CELSR3: variants seen among roughly 807,000 people sequenced by gnomAD.
CELSR3 encodes EGF-like protein 1.
CELSR3 carries 73 observed loss-of-function variants against 270.0 expected under a neutral mutation model. The observed-to-expected ratio is 0.27, with a 90% confidence interval of 0.22 to 0.33. The LOEUF (loss-of-function observed/expected upper bound fraction) is 0.33. Among genes scored for constraint, CELSR3 ranks in the 10% least tolerant of loss-of-function variants. The pLI is 1.00. For synonymous variants in CELSR3, 1,780 were observed against 1,905.4 expected, an observed-to-expected ratio of 0.93 and a Z score of 1.71; for missense variants, 3,614 against 4,533.8, an observed-to-expected ratio of 0.80 and a Z score of 5.83.
At position 48,656,300 on chromosome 3, in the gene CELSR3, T is replaced by G. The variant is rs1351876601; in HGVS notation, c.4465A>C (p.Thr1489Pro). ...CCGCCGTTGGGCGCGTCGGTGCAGG[T>G]GCCCCCGTTGCGGCAGACGCCCGGC... ...CVPGVCRNGGTCTDAPNGGFR... is the reference protein window; with the variant it reads ...CVPGVCRNGGPCTDAPNGGFR... Residue 1489 changes from threonine (T) to proline (P), a missense_variant, in exon 3 of 35, where the codon ACC becomes CCC. Coordinates refer to ENST00000164024, the MANE Select transcript of CELSR3 (RefSeq NM_001407.3). 6.6e-7 allele frequency: 1 copy of G among 1,506,124 alleles called. No individual in the cohort carries two copies. Among genetic ancestry groups the G allele is most frequent in the Non-Finnish European group, 8.8e-7 (1 of 1,136,510 alleles). The allele number at this position is 1,506,124 out of a possible 1,614,324, so 93.3% of individuals were successfully genotyped here. A position where few individuals can be genotyped will look rare whatever the true frequency, so the allele number is the denominator to read the frequency against.
At position 48,642,905 on chromosome 3, in the gene CELSR3, G is replaced by C; in HGVS notation, c.8407-21C>G. 6.2e-7 allele frequency: 1 copy of C among 1,612,346 alleles called. No individual in the cohort carries two copies. ...GGTCCCTGGGGGTGGTAGGGACAGA[G>C]TGTGAGCTAACCCTGAAGCAGCCTA... On this transcript the variant is annotated intron_variant, in intron 29 of 34. Coordinates refer to ENST00000164024, the MANE Select transcript of CELSR3 (RefSeq NM_001407.3). The surrounding 1 kb of genome is among the most constrained non-coding windows in gnomAD (Gnocchi z 6.1).
rs181370113 is a variant in CELSR3 at position 48,644,071 on chromosome 3, C to T, written c.8165+145G>A. On this transcript the variant is annotated intron_variant, in intron 27 of 34. Coordinates refer to ENST00000164024, the MANE Select transcript of CELSR3 (RefSeq NM_001407.3). This position sits in a 1 kb window ranked among gnomAD's most constrained non-coding sequence, Gnocchi z 4.8. ...GTATAGCGAGGGCGCCAGAGAGGGA[C>T]CACAGGTCAGGGCAGGTGTGACTTC... The T allele has an allele frequency of 1.5e-6, 1 of 662,110 alleles. No individual in the cohort carries two copies. The highest frequency in any genetic ancestry group is 1.9e-5 in the South Asian group (1 of 51,860). 41.0% of individuals were successfully genotyped at this position (662,110 alleles called of 1,614,324 possible). A position where few individuals can be genotyped will look rare whatever the true frequency, so the allele number is the denominator to read the frequency against.
In CELSR3 at chr3:48,653,275, T is replaced by G; in HGVS notation, c.5449-88A>C. 8.0e-7 allele frequency: 1 copy of G among 1,253,170 alleles called. No individual in the cohort carries two copies. The highest frequency in any genetic ancestry group is 1.5e-5 in the African/African-American group (1 of 67,132). 77.6% of individuals were successfully genotyped at this position (1,253,170 alleles called of 1,614,324 possible). A position where few individuals can be genotyped will look rare whatever the true frequency, so the allele number is the denominator to read the frequency against. On this transcript the variant is annotated intron_variant, in intron 9 of 34. Coordinates refer to ENST00000164024, the MANE Select transcript of CELSR3 (RefSeq NM_001407.3). This position sits in a 1 kb window ranked among gnomAD's most constrained non-coding sequence, Gnocchi z 6.5. ...GATCAGAGGGCTCAGAGGTCAGGAATATCAGAGGTCAGAACAGTGGGGTCA... is the reference window on the plus strand; with the variant it reads ...GATCAGAGGGCTCAGAGGTCAGGAAGATCAGAGGTCAGAACAGTGGGGTCA...
At chr3:48,647,018 C>T in intron 20 of CELSR3, 90 bp from the exon 21 acceptor site, 1 of 1,275,350 alleles carries the variant, frequency 7.8e-7, no homozygotes, top group South Asian at 1.6e-5. Context: ...GCATGGGGGT[C>T]TCTTCCCTGC....
intron 20 of CELSR3, among the ~76,000 whole-genome samples, chr3:48,647,162 TGGGA>T (rs1258096160): frequency 2.8e-4 from 15 of 53,790 alleles, no homozygotes; most frequent in East Asian, 9.4e-4. Flanking sequence ...AGGGGAGATG[TGGGA>T]GGGAGGGTGG....
At position 48,656,948 on chromosome 3, in the gene CELSR3, G is replaced by A. The variant is rs2077027383; in HGVS notation, c.4149C>T (p.Pro1383=). The change falls in exon 2 of 35, where the codon CCC becomes CCT. Residue 1383 remains proline (P), a synonymous_variant. Coordinates refer to ENST00000164024, the MANE Select transcript of CELSR3 (RefSeq NM_001407.3). ...ACACGCATTTCATGTAGTTCTCACA[G>A]GGCTCTCGCAGGCACACGTTGTCGT... is the stretch of plus-strand genomic sequence containing the variant. The part of the protein sequence containing the change: ...PFDDNVCLRE[P]CENYMKCVSV... 2 of 1,612,436 alleles carry A rather than the reference G, an allele frequency of 1.2e-6. No homozygotes were observed. Among genetic ancestry groups the A allele is most frequent in the South Asian group, 2.2e-5 (2 of 90,908 alleles).
Position 48,653,313 on chromosome 3 carries a change from G to T in CELSR3, c.5449-126C>A. 2.4e-6 allele frequency: 2 copies of T among 829,856 alleles called. No individual in the cohort carries two copies. Among genetic ancestry groups the T allele is most frequent in the Non-Finnish European group, 3.8e-6 (2 of 529,720 alleles). The allele number at this position is 829,856 out of a possible 1,614,324, so 51.4% of individuals were successfully genotyped here. ...AACAGTGGGGTCAAGGTTATACCTG[G>T]CACAAAGGGCACTGTGCCAGGGGAC... On this transcript the variant is annotated intron_variant, in intron 9 of 34. Coordinates refer to ENST00000164024, the MANE Select transcript of CELSR3 (RefSeq NM_001407.3). This position sits in a 1 kb window ranked among gnomAD's most constrained non-coding sequence, Gnocchi z 6.5.
rs759564145 is a variant in CELSR3, at chr3:48,651,607, C to T, written c.6035G>A (p.Gly2012Asp). The T allele has an allele frequency of 5.1e-6, 8 of 1,582,108 alleles. No individual in the cohort carries two copies. The Admixed American group carries it at 1.4e-4, about 28-fold the overall frequency. ...CTCACAGTGGTGCCCGAAATAGCCA[C>T]CCACACAGTCACAGGTATAGCCATG... The part of the protein sequence containing the change: ...APHGYTCDCV[G>D]GYFGHHCEHR... Residue 2012 changes from glycine (G) to aspartate (D), a missense_variant, in exon 13 of 35, where the codon GGT becomes GAT. This residue lies in a region of CELSR3 where 1,331 missense variants were observed against 1,933.7 expected (regional missense o/e 0.69). Coordinates refer to ENST00000164024, the MANE Select transcript of CELSR3 (RefSeq NM_001407.3). The surrounding 1 kb of genome is among the most constrained non-coding windows in gnomAD (Gnocchi z 7.4).
In CELSR3 at chr3:48,656,578, C is replaced by T. The variant is rs2077023771; in HGVS notation, c.4399+120G>A. ...CCGGCCACGCTCTACGGCTTCTGGCCTAAGCGCGTCCATACCAGGCCGTGG... is the reference window on the plus strand; with the variant it reads ...CCGGCCACGCTCTACGGCTTCTGGCTTAAGCGCGTCCATACCAGGCCGTGG... On this transcript the variant is annotated intron_variant, in intron 2 of 34. Coordinates refer to ENST00000164024, the MANE Select transcript of CELSR3 (RefSeq NM_001407.3). The T allele has an allele frequency of 2.2e-6, 3 of 1,336,402 alleles. No homozygotes were observed. In the East Asian group the frequency reaches 8.1e-5, roughly 36 times the overall value. The allele number at this position is 1,336,402 out of a possible 1,614,324, so 82.8% of individuals were successfully genotyped here. A position where few individuals can be genotyped will look rare whatever the true frequency, so the allele number is the denominator to read the frequency against.
At position 48,662,599 on chromosome 3, in the gene CELSR3, C is replaced by T. The variant is rs566256360; in HGVS notation, c.36G>A (p.Gly12=). 2 of 1,468,970 alleles carry T rather than the reference C, an allele frequency of 1.4e-6. No individual in the cohort carries two copies. The highest frequency in any genetic ancestry group is 1.8e-6 in the Non-Finnish European group (2 of 1,104,434). The allele number at this position is 1,468,970 out of a possible 1,614,324, so 91.0% of individuals were successfully genotyped here. Residue 12 remains glycine (G), a synonymous_variant, in exon 1 of 35, where the codon GGG becomes GGA. Transcript: ENST00000164024. This position sits in a 1 kb window ranked among gnomAD's most constrained non-coding sequence, Gnocchi z 7.1. ...MARRPPWRGL[G]GRSTPILLLL... The stretch of plus-strand genomic sequence containing the variant: ...GCAGGAGTATGGGGGTCGACCGTCC[C>T]CCGAGGCCCCGCCACGGCGGCCGCC...
Position 48,640,290 on chromosome 3 carries a change from G to A in CELSR3, c.9295C>T (p.Pro3099Ser). The change falls in exon 34 of 35, where the codon CCA (proline) becomes TCA (serine). Residue 3099 changes from proline to serine, a missense_variant. This residue lies in a region of CELSR3 where 1,240 missense variants were observed against 1,351.7 expected (regional missense o/e 0.92). Transcript: ENST00000164024. This position sits in a 1 kb window ranked among gnomAD's most constrained non-coding sequence, Gnocchi z 7.5. ...GCATCCATGCATTCCTGGGACCCTGGCCGGCTCAGGGGACGTAGAACAGGG... is the reference window on the plus strand; with the variant it reads ...GCATCCATGCATTCCTGGGACCCTGACCGGCTCAGGGGACGTAGAACAGGG... ...PAPVLRPLSR[P>S]GSQECMDAAP... is the part of the protein sequence containing the mutation. 6.2e-7 allele frequency: 1 copy of A among 1,612,808 alleles called. No individual in the cohort carries two copies. The highest frequency in any genetic ancestry group is 8.5e-7 in the Non-Finnish European group (1 of 1,179,920).
intron 27 of CELSR3, 86 bp from the exon 28 acceptor site, chr3:48,643,763 C>T (rs888563730): frequency 3.4e-6 from 5 of 1,461,572 alleles, no homozygotes; most frequent in Non-Finnish European, 3.7e-6. Flanking sequence ...CACACAGGGG[C>T]CACACACGAA....
rs144752972 is a variant in CELSR3, at chr3:48,657,025, C to G, written c.4072G>C (p.Val1358Leu). The G allele has an allele frequency of 1.9e-6, 3 of 1,613,578 alleles. No homozygotes were observed. Among genetic ancestry groups the G allele is most frequent in the Non-Finnish European group, 2.5e-6 (3 of 1,179,826 alleles). ...CGAGCCGCCAGCGCCGCCCGGCGCA[C>G]GTACAACTGCTCCTGCAGCTCCTCG... ...SSEELQEQLYVRRAALAARSL... is the reference protein window; with the variant it reads ...SSEELQEQLYLRRAALAARSL... The change falls in exon 2 of 35, where the codon GTG becomes CTG. Residue 1358 changes from valine to leucine, a missense_variant. Physicochemically the swap from Val to Leu is conservative, Grantham distance 32. Coordinates refer to ENST00000164024, the MANE Select transcript of CELSR3 (RefSeq NM_001407.3). The surrounding 1 kb of genome is among the most constrained non-coding windows in gnomAD (Gnocchi z 5.4).
chr3:48,651,401 A>G lies in CELSR3; in HGVS notation c.6144T>C (p.Phe2048=). The change falls in exon 14 of 35, where the codon TTT becomes TTC. Residue 2048 remains phenylalanine, a synonymous_variant. Transcript: ENST00000164024. The surrounding 1 kb of genome is among the most constrained non-coding windows in gnomAD (Gnocchi z 7.4). The stretch of plus-strand genomic sequence containing the variant: ...CATTTGTCTTGTTGCAGTTGGGATC[A>G]AAACCTTTGTGAACATCACAGTTGC... The part of the protein sequence containing the change: ...GPCNCDVHKG[F]DPNCNKTNGQ... The G allele has an allele frequency of 6.2e-7, 1 of 1,614,082 alleles. No homozygotes were observed.
In CELSR3 at chr3:48,646,806, C is replaced by T; in HGVS notation, c.7252G>A (p.Gly2418Arg). 6.2e-7 allele frequency: 1 copy of T among 1,609,228 alleles called. No individual in the cohort carries two copies. Among genetic ancestry groups the T allele is most frequent in the Non-Finnish European group, 8.5e-7 (1 of 1,178,426 alleles). Reference protein sequence around the residue: ...IILLVYRTLGGLLPAQFQAER... With the variant: ...IILLVYRTLGRLLPAQFQAER... ...GCCTGGAACTGGGCAGGGAGCAGTCCCCCTAAGGTGCGGTAAACGAGGAGA... is the reference window on the plus strand; with the variant it reads ...GCCTGGAACTGGGCAGGGAGCAGTCTCCCTAAGGTGCGGTAAACGAGGAGA... Residue 2418 changes from glycine (G) to arginine (R), a missense_variant, in exon 21 of 35, where the codon GGA (glycine) becomes AGA (arginine). Physicochemically the swap from Gly to Arg is moderately radical, Grantham distance 125. Transcript: ENST00000164024. This position sits in a 1 kb window ranked among gnomAD's most constrained non-coding sequence, Gnocchi z 4.8.
intron 28 of CELSR3, 131 bp downstream of exon 28, chr3:48,643,423 G>T: frequency 1.0e-5 from 13 of 1,285,150 alleles, no homozygotes; most frequent in East Asian, 2.6e-5. Flanking sequence ...CTGGTCTGGG[G>T]TAGTACCCAG....
chr3:48,658,874 C>T lies in CELSR3; in HGVS notation c.3748+13G>A. 6.2e-7 allele frequency: 1 copy of T among 1,609,784 alleles called. No individual in the cohort carries two copies. Among genetic ancestry groups the T allele is most frequent in the Non-Finnish European group, 8.5e-7 (1 of 1,176,864 alleles). Reference sequence around the variant, plus strand: ...GGTGTCACTGGGTCACTTGCCTGCCCCCTGCCCCTCACCTGTGACAGTCAC... The same window carrying T: ...GGTGTCACTGGGTCACTTGCCTGCCTCCTGCCCCTCACCTGTGACAGTCAC... On this transcript the variant is annotated intron_variant, in intron 1 of 34. Coordinates refer to ENST00000164024, the MANE Select transcript of CELSR3 (RefSeq NM_001407.3). The surrounding 1 kb of genome is among the most constrained non-coding windows in gnomAD (Gnocchi z 4.7).
At chr3:48,656,403 C>A (rs1467810529) in intron 2 of CELSR3, 38 bp from the exon 3 acceptor site, 15 of 1,385,328 alleles carry the variant, frequency 1.1e-5, no homozygotes, top group Non-Finnish European at 1.4e-5. Context: ...GTCACGCCCA[C>A]GCCCGCCCCT....
rs1371571225 is a variant in CELSR3, at chr3:48,655,647, G to A, written c.4741+89C>T. On this transcript the variant is annotated intron_variant, in intron 4 of 34. Coordinates refer to ENST00000164024, the MANE Select transcript of CELSR3 (RefSeq NM_001407.3). This position sits in a 1 kb window ranked among gnomAD's most constrained non-coding sequence, Gnocchi z 5.8. ...TTGCATGGCGTGGAGTGTGTGCTCA[G>A]GTGCACAGTGAAGCAAACCTGAGGG... The A allele has an allele frequency of 1.9e-5, 22 of 1,144,550 alleles. No individual in the cohort carries two copies. The highest frequency in any genetic ancestry group is 3.0e-5 in the African/African-American group (2 of 66,000). 70.9% of individuals were successfully genotyped at this position (1,144,550 alleles called of 1,614,324 possible). A position where few individuals can be genotyped will look rare whatever the true frequency, so the allele number is the denominator to read the frequency against.
Sources: allele counts gnomAD v4.1 joint callset (sites outside exome capture counted in the v4.1 genomes callset), GRCh38; gene constraint gnomAD v4.1.1; regional missense constraint gnomAD v4.1.1; non-coding constraint Gnocchi (gnomAD v3.1); transcripts MANE v1.5; gene names NCBI Gene and HGNC (gene_info 2026-07-23, HGNC 2026-07-21).